Variants in BLTP1 observed in about 807,000 individuals in gnomAD.
BLTP1 encodes the protein fragile site-associated protein.
chr4:122,306,151 G>C, the BLTP1 span: 20 of 1,146,222 alleles, frequency 1.7e-5, no homozygotes, highest in Admixed American at 5.8e-4. Context: ...CAGCTAAATG[G>C]TTCCTAAATC....
the BLTP1 span, chr4:122,267,553 G>T: frequency 4.8e-6 from 3 of 631,256 alleles, no homozygotes; most frequent in South Asian, 2.1e-4. Context: ...TATTTACTTG[G>T]CTCTTGTAAT....
the BLTP1 span, chr4:122,215,183 G>A: frequency 7.8e-6 from 2 of 256,802 alleles, no homozygotes; most frequent in South Asian, 1.5e-4. Flanking sequence ...TGGACATTCA[G>A]TGTTCCCTAA....
the BLTP1 span, among the ~76,000 whole-genome samples, chr4:122,154,741 G>T: frequency 6.6e-6 from 1 of 151,926 alleles, no homozygotes; most frequent in African/African-American, 2.4e-5. Context: ...ACGTGGTGGC[G>T]GGTGCCTGTA....
chr4:122,213,907 C>G, the BLTP1 span, among the ~76,000 whole-genome samples: 41 of 151,946 alleles, frequency 2.7e-4, no homozygotes, highest in African/African-American at 8.7e-4. Flanking sequence ...TCTCTTTAGT[C>G]TTATTTCATT....
At chr4:122,165,631 G>C in the BLTP1 span, among the ~76,000 whole-genome samples, 1,088 of 127,958 alleles carry the variant, frequency 8.5e-3, 176 homozygotes, top group African/African-American at 0.027. Flanking sequence ...AGTTCTAGAT[G>C]CCTGAGGAAT....
At chr4:122,246,600 A>C in the BLTP1 span, 4 of 1,472,344 alleles carry the variant, frequency 2.7e-6, no homozygotes, top group African/African-American at 4.2e-5. Context: ...CATTCTTAAC[A>C]GTAGTTTTTC....
At chr4:122,268,281 C>T in the BLTP1 span, among the ~76,000 whole-genome samples, 1 of 151,750 alleles carries the variant, frequency 6.6e-6, no homozygotes, top group African/African-American at 2.4e-5. Flanking sequence ...AAAAACTTAT[C>T]AAAGAGTAGT....
At chr4:122,257,678 T>A in the BLTP1 span, among the ~76,000 whole-genome samples, 1 of 152,206 alleles carries the variant, frequency 6.6e-6, no homozygotes, top group African/African-American at 2.4e-5. Flanking sequence ...AATAAATTAC[T>A]AATATAAGCA....
At chr4:122,243,803 C>T in the BLTP1 span, 3 of 1,421,632 alleles carry the variant, frequency 2.1e-6, no homozygotes, top group African/African-American at 1.5e-5. Flanking sequence ...GAAGCTCCAA[C>T]TTCTAATTCA....
the BLTP1 span, among the ~76,000 whole-genome samples, chr4:122,273,971 G>C: frequency 2.6e-5 from 4 of 151,936 alleles, no homozygotes; most frequent in South Asian, 8.3e-4. Context: ...GACCAAGAGT[G>C]CTGGTTTATG....
chr4:122,281,948 C>T, the BLTP1 span: 1 of 983,804 alleles, frequency 1.0e-6, no homozygotes, highest in East Asian at 1.1e-4. Context: ...AATCCCCCAC[C>T]CCAAAACCTT....
At chr4:122,356,559 T>C in the BLTP1 span, 1 of 1,563,858 alleles carries the variant, frequency 6.4e-7, no homozygotes, top group African/African-American at 1.4e-5. Context: ...CATAGACCTA[T>C]ATAAATCCTT....
At chr4:122,232,117 G>A in the BLTP1 span, 1 of 985,378 alleles carries the variant, frequency 1.0e-6, no homozygotes. Flanking sequence ...AGCTCATTTA[G>A]GTTGGTTTCA....
At chr4:122,239,623 G>C in the BLTP1 span, 1 of 1,614,106 alleles carries the variant, frequency 6.2e-7, no homozygotes. Context: ...GCCTCTGTCT[G>C]TTCCACCCGT....
chr4:122,239,780 A>G, the BLTP1 span: 1 of 1,614,068 alleles, frequency 6.2e-7, no homozygotes, highest in African/African-American at 1.3e-5. Flanking sequence ...GTTCATTCCC[A>G]TATACACCAT....
chr4:122,245,545 A>C, the BLTP1 span, among the ~76,000 whole-genome samples: 1 of 152,166 alleles, frequency 6.6e-6, no homozygotes, highest in East Asian at 1.9e-4. Context: ...TTCCTCGTTC[A>C]CTTCAGTGAA....
At chr4:122,336,272 G>T in the BLTP1 span, 3 of 1,612,552 alleles carry the variant, frequency 1.9e-6, no homozygotes, top group Non-Finnish European at 2.5e-6. Context: ...AGAAGAAATG[G>T]TTATTAGTCC....
chr4:122,241,726 A>G, the BLTP1 span, among the ~76,000 whole-genome samples: 1 of 152,242 alleles, frequency 6.6e-6, no homozygotes, highest in South Asian at 2.1e-4. Flanking sequence ...CCAATTGCCC[A>G]TGCTAAGATT....
chr4:122,295,638 A>T, the BLTP1 span, among the ~76,000 whole-genome samples: 1 of 152,130 alleles, frequency 6.6e-6, no homozygotes, highest in East Asian at 1.9e-4. Context: ...TAGATACGAC[A>T]AAAAAAGAAA....
Sources: allele counts gnomAD v4.1 joint callset (sites outside exome capture counted in the v4.1 genomes callset), GRCh38; gene constraint gnomAD v4.1.1; transcripts MANE v1.5; gene names NCBI Gene and HGNC (gene_info 2026-07-23, HGNC 2026-07-21).